XCR1: variants seen among roughly 807,000 people sequenced by gnomAD.
The protein encoded by XCR1 is X-C motif chemokine receptor 1, also known as chemokine XC receptor 1.
For synonymous variants in XCR1, 187 were observed against 188.5 expected (o/e 0.99, Z 0.06); for missense variants, 356 against 424.2 (o/e 0.84, Z 1.41).
chr3:46,061,888 C>G (rs1344320743), intron 4 of XCR1, among the ~76,000 whole-genome samples: 1 of 152,130 alleles, frequency 6.6e-6, no homozygotes, highest in East Asian at 1.9e-4. Flanking sequence ...AGAGGCCCAG[C>G]TAGGTCCAGC....
intron 1 of XCR1, among the ~76,000 whole-genome samples, chr3:46,085,213 A>T (rs1698452428): frequency 4.4e-5 from 2 of 45,472 alleles, no homozygotes; most frequent in South Asian, 5.6e-4. Context: ...TATATTATTA[A>T]AAAAAAAAAA....
At chr3:46,031,434 C>A (rs889866587), upstream of XCR1, among the ~76,000 whole-genome samples, 3 of 152,230 alleles carry the variant, frequency 2.0e-5, no homozygotes, top group African/African-American at 7.2e-5. Flanking sequence ...ATGCTTGGGG[C>A]AGTGCTGACA....
intron 1 of XCR1, among the ~76,000 whole-genome samples, chr3:46,078,730 A>C (rs1463667950): frequency 6.6e-6 from 1 of 152,226 alleles, no homozygotes; most frequent in Admixed American, 6.5e-5. Flanking sequence ...TGAAAAGTGC[A>C]TGAGAGTGAG....
intron 5 of XCR1, among the ~76,000 whole-genome samples, chr3:46,048,029 T>C (rs371725814): frequency 8.5e-5 from 13 of 152,216 alleles, no homozygotes; most frequent in African/African-American, 2.9e-4. Flanking sequence ...ACTTAATAAG[T>C]ACATGATTTT....
chr3:46,075,308 CAA>C (rs56787185), intron 2 of XCR1, among the ~76,000 whole-genome samples: 98 of 61,652 alleles, frequency 1.6e-3, no homozygotes, highest in East Asian at 5.6e-3. Context: ...GCTCATAGAC[CAA>C]AAAAAAAAAA....
intron 3 of XCR1, among the ~76,000 whole-genome samples, chr3:46,072,055 G>C (rs1028877905): frequency 2.0e-5 from 3 of 152,126 alleles, no homozygotes; most frequent in Admixed American, 1.3e-4. Context: ...CTTATATCTA[G>C]AAAATACTAA....
chr3:46,059,581 TA>T (rs947098501), intron 4 of XCR1, among the ~76,000 whole-genome samples: 20 of 150,210 alleles, frequency 1.3e-4, no homozygotes, highest in Admixed American at 3.3e-4. Context: ...ACAATGATGT[TA>T]AAAAAAAAAC....
At chr3:46,064,653 C>G (rs1050311895) in intron 4 of XCR1, among the ~76,000 whole-genome samples, 1 of 152,182 alleles carries the variant, frequency 6.6e-6, no homozygotes, top group African/African-American at 2.4e-5. Context: ...TTTCGAAGTG[C>G]GACACATGAA....
intron 5 of XCR1, among the ~76,000 whole-genome samples, chr3:46,038,050 G>C (rs6789616): frequency 2.0e-5 from 3 of 147,220 alleles, no homozygotes; most frequent in Non-Finnish European, 4.5e-5. Flanking sequence ...TTTTTTGAGA[G>C]GGAGTCTTGC....
chr3:46,050,122 G>T (rs1238205902), intron 5 of XCR1, among the ~76,000 whole-genome samples: 1 of 152,206 alleles, frequency 6.6e-6, no homozygotes, highest in African/African-American at 2.4e-5. Flanking sequence ...GAGAGTTGGG[G>T]GTAGGAAGAA....
chr3:46,079,561 C>T (rs1367997608), intron 1 of XCR1, among the ~76,000 whole-genome samples: 1 of 152,110 alleles, frequency 6.6e-6, no homozygotes, highest in Non-Finnish European at 1.5e-5. Context: ...TATCTCAAGT[C>T]CCCTGTCCTG....
Position 46,019,071 on chromosome 3 carries a change from T to C in XCR1, c.*1875A>G, listed in dbSNP as rs1469335117. On this transcript the variant is annotated 3_prime_UTR_variant, in exon 2 of 2. Transcript: ENST00000309285. Reference sequence around the variant, plus strand: ...CCTTGGGTGTGAAGCAATGGGCCAGTGTGAGAGGCAGGGATGCGTACCATG... The same window carrying C: ...CCTTGGGTGTGAAGCAATGGGCCAGCGTGAGAGGCAGGGATGCGTACCATG... 1.3e-5 allele frequency: 2 copies of C among 152,186 alleles called. No individual in the cohort carries two copies. The highest frequency in any genetic ancestry group is 1.3e-4 in the Admixed American group (2 of 15,276). 9.4% of individuals were successfully genotyped at this position (152,186 alleles called of 1,614,324 possible). A position where few individuals can be genotyped will look rare whatever the true frequency, so the allele number is the denominator to read the frequency against.
At chr3:46,049,305 A>G (rs1477765031) in intron 5 of XCR1, among the ~76,000 whole-genome samples, 5 of 152,214 alleles carry the variant, frequency 3.3e-5, no homozygotes, top group African/African-American at 1.2e-4. Context: ...AGATAAATGG[A>G]ACATGTGAGT....
At chr3:46,048,660 G>A (rs1001650074) in intron 5 of XCR1, among the ~76,000 whole-genome samples, 2 of 152,162 alleles carry the variant, frequency 1.3e-5, no homozygotes, top group Non-Finnish European at 2.9e-5. Flanking sequence ...CCCCACTTCA[G>A]TAAACCCACC....
intron 1 of XCR1, among the ~76,000 whole-genome samples, chr3:46,081,958 T>G (rs1055599838): frequency 1.3e-5 from 2 of 152,178 alleles, no homozygotes; most frequent in African/African-American, 4.8e-5. Context: ...ATGTGGAGAT[T>G]TTGATTACTG....
intron 4 of XCR1, among the ~76,000 whole-genome samples, chr3:46,056,684 G>T (rs777912857): frequency 6.6e-6 from 1 of 151,306 alleles, no homozygotes; most frequent in Admixed American, 6.6e-5. Context: ...ATGGGGTTTC[G>T]CCATCTTGCT....
intron 1 of XCR1, chr3:46,023,230 GCT>G (rs1419401113): frequency 1.8e-6 from 1 of 564,624 alleles, no homozygotes; most frequent in Non-Finnish European, 3.1e-6. Context: ...GCTGCGTCGC[GCT>G]CCCCTGCGAT....
chr3:46,069,636 A>G, intron 3 of XCR1, among the ~76,000 whole-genome samples: 1 of 152,236 alleles, frequency 6.6e-6, no homozygotes, highest in East Asian at 1.9e-4. Context: ...TATATGTATT[A>G]CATGCTGTAT....
chr3:46,020,971 G>A lies in XCR1; in HGVS notation c.977C>T (p.Ala326Val). The change falls in exon 2 of 2, where the codon GCC becomes GTC. Residue 326 changes from alanine to valine, a missense_variant. Transcript: ENST00000309285. ...ASIPHSPGAF[A>V]YEGASFY ...TCAGTAGAAGGAGGCGCCCTCATAGGCGAAGGCACCAGGGGAGTGGGGGAT... is the reference window on the plus strand; with the variant it reads ...TCAGTAGAAGGAGGCGCCCTCATAGACGAAGGCACCAGGGGAGTGGGGGAT... 6.2e-7 allele frequency: 1 copy of A among 1,612,632 alleles called. No individual in the cohort carries two copies. Among genetic ancestry groups the A allele is most frequent in the Admixed American group, 1.7e-5 (1 of 59,818 alleles).
Sources: gnomAD v4.1 joint callset for allele counts (sites outside exome capture counted in the v4.1 genomes callset) on GRCh38, gnomAD v4.1.1 for gene constraint, MANE v1.5 for transcripts, NCBI Gene and HGNC (gene_info 2026-07-23, HGNC 2026-07-21) for gene names.